The following PER3 variants were observed in gnomAD, a reference collection of about 807,000 sequenced individuals.
The protein encoded by PER3 is period circadian regulator 3.
Under a neutral mutation model 127.2 loss-of-function variants are expected in PER3, and 107 were observed. That is an observed-to-expected ratio of 0.84 (90% CI 0.72 to 0.99). PER3 has a LOEUF of 0.99. Ranked by LOEUF, PER3 falls within the 50% of genes least tolerant of loss-of-function variation. The pLI, the probability that PER3 is intolerant of heterozygous loss-of-function variation, is 0.00. For synonymous variants in PER3, 618 were observed against 585.8 expected (o/e 1.05, Z -0.79); for missense variants, 1,560 against 1,525.8 (o/e 1.02, Z -0.37).
chr1:7,803,570 A>G (rs557962314), intron 9 of PER3, 122 bp from the exon 10 acceptor site: 1 of 647,886 alleles, frequency 1.5e-6, no homozygotes, highest in African/African-American at 1.8e-5. Flanking sequence ...CCTAGGCAAC[A>G]GAGCGAGACT....
In PER3 at chr1:7,805,797, C is replaced by T. The variant is rs1047053029; in HGVS notation, c.1136+1949C>T. On this transcript the variant is annotated intron_variant, in intron 10 of 21. Coordinates refer to ENST00000377532, the MANE Select transcript of PER3 (RefSeq NM_001377275.1). The stretch of plus-strand genomic sequence containing the variant: ...CCAGCCCCAGTCAGGGTTAAAGATA[C>T]GGCCTGGATTTCTGAAGCTCTCTTT... Among the ~76,000 whole-genome samples the T allele has an allele frequency of 4.6e-5, 7 of 152,202 alleles. No homozygotes were observed. The East Asian group carries it at 9.7e-4, about 21-fold the overall frequency.
chr1:7,785,415 AGTT>A (rs2097082608), intron 2 of PER3, 23 bp from the exon 3 acceptor site: 1 of 1,592,374 alleles, frequency 6.3e-7, no homozygotes, highest in South Asian at 1.1e-5. Context: ...CAGAGGATGA[AGTT>A]GTAATTTTTT....
At chr1:7,827,978 G>T (rs1218431799) in intron 18 of PER3, among the ~76,000 whole-genome samples, 163 bp downstream of exon 18, 2 of 152,192 alleles carry the variant, frequency 1.3e-5, no homozygotes, top group Non-Finnish European at 1.5e-5. Context: ...AAACACATCT[G>T]CCTGGCTCTG....
At chr1:7,841,686 A>G (rs2097389953) in intron 21 of PER3, among the ~76,000 whole-genome samples, 1 of 152,190 alleles carries the variant, frequency 6.6e-6, no homozygotes, top group Non-Finnish European at 1.5e-5. Context: ...TCTTCCCAGA[A>G]TAATCTCCCC....
intron 19 of PER3, among the ~76,000 whole-genome samples, chr1:7,833,523 A>C (rs566916628): frequency 1.3e-5 from 2 of 152,192 alleles, no homozygotes; most frequent in Admixed American, 6.5e-5. Context: ...CTTGCTTTGA[A>C]GTCTGCTTTG....
At position 7,842,971 on chromosome 1, in the gene PER3, C is replaced by T. The variant is rs923557103; in HGVS notation, c.*216C>T. The T allele has an allele frequency of 6.5e-5, 21 of 323,922 alleles. No homozygotes were observed. Among genetic ancestry groups the T allele is most frequent in the African/African-American group, 4.4e-4 (21 of 47,498 alleles). The allele number at this position is 323,922 out of a possible 1,614,324, so 20.1% of individuals were successfully genotyped here. A position where few individuals can be genotyped will look rare whatever the true frequency, so the allele number is the denominator to read the frequency against. On this transcript the variant is annotated 3_prime_UTR_variant, in exon 22 of 22. Coordinates refer to ENST00000377532, the MANE Select transcript of PER3 (RefSeq NM_001377275.1). The stretch of plus-strand genomic sequence containing the variant: ...ATATATTAAAATGGCCAGTTAGGCT[C>T]TTTTTGTAGTTGAATTGTCTTCTAA...
At chr1:7,803,460 C>T (rs1044969239) in intron 9 of PER3, among the ~76,000 whole-genome samples, 1 of 151,160 alleles carries the variant, frequency 6.6e-6, no homozygotes, top group Non-Finnish European at 1.5e-5. Context: ...TGGTGGTGCA[C>T]GCCTGTAATC....
rs551006160 is a variant in PER3 at position 7,813,096 on chromosome 1, TAGTATG to T, written c.1522+2512_1522+2517del. ...TGCTTTAAAGAGAGATTTTAAAAGT[TAGTATG>T]AGTTAATATGGGAGGGCAAGGAATA... On this transcript the variant is annotated intron_variant, in intron 13 of 21. Transcript: ENST00000377532. Among the ~76,000 whole-genome samples, 457 of 152,306 alleles carry T rather than the reference TAGTATG, an allele frequency of 3.0e-3. 3 individuals are homozygous for T. The highest frequency in any genetic ancestry group is 0.011 in the African/African-American group (443 of 41,566).
intron 21 of PER3, 35 bp from the exon 22 acceptor site, chr1:7,842,637 A>G (rs755789013): frequency 1.9e-6 from 3 of 1,611,578 alleles, no homozygotes; most frequent in South Asian, 1.1e-5. Flanking sequence ...TGACATTGAC[A>G]TCAAGTAACT....
rs375288177 is a variant in PER3 at position 7,785,583 on chromosome 1, C to G, written c.271C>G (p.Gln91Glu). 1.9e-6 allele frequency: 3 copies of G among 1,608,894 alleles called. No homozygotes were observed. The highest frequency in any genetic ancestry group is 1.3e-5 in the African/African-American group (1 of 74,748). Residue 91 changes from glutamine (Q) to glutamate (E), a missense_variant, in exon 3 of 22, where the codon CAA becomes GAA. Coordinates refer to ENST00000377532, the MANE Select transcript of PER3 (RefSeq NM_001377275.1). ...NYALRCVHSV[Q>E]ANSEFFQILS... ...TGCTCTCCGCTGTGTCCACAGCGTT[C>G]AAGGTAAACAAGCCGGAGAGAAATT...
At chr1:7,821,401 T>C (rs934460976) in intron 16 of PER3, among the ~76,000 whole-genome samples, 1 of 152,250 alleles carries the variant, frequency 6.6e-6, no homozygotes, top group Admixed American at 6.5e-5. Context: ...AGTGTGGTAC[T>C]GACAGGAGAT....
In PER3 at chr1:7,820,485, C is replaced by G. The variant is rs1285421352; in HGVS notation, c.1802C>G (p.Ala601Gly). The change falls in exon 16 of 22, where the codon GCC (alanine) becomes GGC (glycine). Residue 601 changes from alanine (A) to glycine (G), a missense_variant. Coordinates refer to ENST00000377532, the MANE Select transcript of PER3 (RefSeq NM_001377275.1). ...CCACCAGCTGGTTTGCAAATCCCAG[C>G]CATACCTAAATCAGAAATGCCAACA... The part of the protein sequence containing the change: ...QALQAGLQIP[A>G]IPKSEMPTNG... 1.2e-6 allele frequency: 2 copies of G among 1,612,218 alleles called. No individual in the cohort carries two copies. Among genetic ancestry groups the G allele is most frequent in the South Asian group, 2.2e-5 (2 of 90,502 alleles).
At chr1:7,821,883 T>A (rs1174384003) in intron 16 of PER3, among the ~76,000 whole-genome samples, 1 of 152,254 alleles carries the variant, frequency 6.6e-6, no homozygotes, top group African/African-American at 2.4e-5. Flanking sequence ...GTTTGCATCC[T>A]GACTCAGATG....
chr1:7,829,867 A>G lies in PER3; in HGVS notation c.2920A>G (p.Ser974Gly), dbSNP rs756447764. 2.5e-6 allele frequency: 4 copies of G among 1,614,064 alleles called. No individual in the cohort carries two copies. Among genetic ancestry groups the G allele is most frequent in the African/African-American group, 1.3e-5 (1 of 74,938 alleles). Reference sequence around the variant, plus strand: ...TACAGGCAACAATGGCAGTGAGAGCAGTCCTGCTACTACCGGTGCACTGTC... The same window carrying G: ...TACAGGCAACAATGGCAGTGAGAGCGGTCCTGCTACTACCGGTGCACTGTC... ...CVTGNNGSES[S>G]PATTGALSTG... Residue 974 changes from serine to glycine, a missense_variant, in exon 19 of 22, where the codon AGT becomes GGT. This residue lies in a region of PER3 where 29 missense variants were observed against 103.6 expected (regional missense o/e 0.28). Transcript: ENST00000377532.
chr1:7,827,903 T>C (rs1458519122), intron 18 of PER3, 88 bp downstream of exon 18: 1 of 988,440 alleles, frequency 1.0e-6, no homozygotes, highest in Non-Finnish European at 1.5e-6. Context: ...AGTGCTGACA[T>C]TCTCAGTAGG....
At position 7,820,112 on chromosome 1, in the gene PER3, C is replaced by G. The variant is rs1489277929; in HGVS notation, c.1659-3C>G. 6.2e-7 allele frequency: 1 copy of G among 1,612,546 alleles called. No individual in the cohort carries two copies. Among genetic ancestry groups the G allele is most frequent in the East Asian group, 2.2e-5 (1 of 44,858 alleles). On this transcript the variant is annotated splice_polypyrimidine_tract_variant and splice_region_variant and intron_variant, in intron 14 of 21. Transcript: ENST00000377532. ...AATGTGTGGCCTAATTATGTTGTTA[C>G]AGATACCTGAAGAGCTACAACATTC...
At position 7,786,836 on chromosome 1, in the gene PER3, A is replaced by T. The variant is rs755337390; in HGVS notation, c.390A>T (p.Thr130=). ...TIASEHTSKN[T]DTFVAVFSFL... is the part of the protein sequence containing the mutation. The stretch of plus-strand genomic sequence containing the variant: ...CTTCAGAACACACTTCCAAAAACAC[A>T]GTAAGAATTCATGCATTTTGCCATA... The change falls in exon 4 of 22, where the codon ACA becomes ACT. Residue 130 remains threonine (T), a splice_region_variant and synonymous_variant. Coordinates refer to ENST00000377532, the MANE Select transcript of PER3 (RefSeq NM_001377275.1). 1.3e-6 allele frequency: 2 copies of T among 1,557,558 alleles called. No homozygotes were observed. The highest frequency in any genetic ancestry group is 4.5e-5 in the East Asian group (2 of 44,630).
At chr1:7,839,063 T>C (rs992227009) in intron 21 of PER3, among the ~76,000 whole-genome samples, 1 of 152,226 alleles carries the variant, frequency 6.6e-6, no homozygotes, top group Non-Finnish European at 1.5e-5. Context: ...AGTTGGTTTT[T>C]TGAAGTGAAA....
At chr1:7,836,296 G>C (rs912068220) in intron 20 of PER3, among the ~76,000 whole-genome samples, 2 of 152,142 alleles carry the variant, frequency 1.3e-5, no homozygotes, top group African/African-American at 2.4e-5. Context: ...TCCTGCCTCA[G>C]CCTCCCAAGT....
Sources: gnomAD v4.1 joint callset for allele counts (sites outside exome capture counted in the v4.1 genomes callset) on GRCh38, gnomAD v4.1.1 for gene constraint, gnomAD v4.1.1 regional missense constraint, MANE v1.5 for transcripts, NCBI Gene and HGNC (gene_info 2026-07-23, HGNC 2026-07-21) for gene names.